The following PRDM16 variants were observed in gnomAD, a reference collection of about 807,000 sequenced individuals.
The protein encoded by PRDM16 is PR/SET domain 16, also known as histone-lysine N-methyltransferase PRDM16.
Under a neutral mutation model 110.6 loss-of-function variants are expected in PRDM16, and 23 were observed. The observed-to-expected ratio is 0.21, with a 90% CI of 0.15 to 0.29. The LOEUF (loss-of-function observed/expected upper bound fraction) is 0.29. Among genes scored for constraint, PRDM16 ranks in the 10% least tolerant of loss-of-function variants. The pLI is 1.00. For synonymous variants in PRDM16, 799 were observed against 781.8 expected (o/e 1.02, Z -0.37); for missense variants, 1,615 against 1,794.3 (o/e 0.90, Z 1.81).
At position 3,208,963 on chromosome 1, in the gene PRDM16, G is replaced by A. The variant is rs1638817550; in HGVS notation, c.387+22489G>A. Among the ~76,000 whole-genome samples, 1 of 152,198 alleles carries A rather than the reference G, an allele frequency of 6.6e-6. No homozygotes were observed. Among genetic ancestry groups the A allele is most frequent in the Non-Finnish European group, 1.5e-5 (1 of 68,046 alleles). On this transcript the variant is annotated intron_variant, in intron 2 of 16. Transcript: ENST00000270722. The surrounding 1 kb of genome is among the most constrained non-coding windows in gnomAD (Gnocchi z 6.1). Reference sequence around the variant, plus strand: ...ACAGATGTCCCCCTCGCCACATCAAGGGAGTGACTTGCTCCGTCTGTCATG... The same window carrying A: ...ACAGATGTCCCCCTCGCCACATCAAAGGAGTGACTTGCTCCGTCTGTCATG...
rs1270010893 is a variant in PRDM16 at position 3,336,438 on chromosome 1, A to G, written c.439-48714A>G. Among the ~76,000 whole-genome samples the G allele has an allele frequency of 7.2e-5, 11 of 151,914 alleles. No individual in the cohort carries two copies. In the South Asian group the frequency reaches 2.1e-3, roughly 29 times the overall value. The stretch of plus-strand genomic sequence containing the variant: ...TGTCTGTGCATGTGTGTTTGCATGC[A>G]CATGTGTGTTGGAGTGAGCCTGTGT... On this transcript the variant is annotated intron_variant, in intron 3 of 16. Transcript: ENST00000270722.
intron 3 of PRDM16, among the ~76,000 whole-genome samples, chr1:3,367,556 G>A (rs1642837991): frequency 6.6e-6 from 1 of 152,184 alleles, no homozygotes; most frequent in Admixed American, 6.5e-5. Context: ...TGTGACAGCT[G>A]CCGGCCCAAC....
At chr1:3,294,989 C>A (rs750284807) in intron 3 of PRDM16, among the ~76,000 whole-genome samples, 2 of 152,224 alleles carry the variant, frequency 1.3e-5, no homozygotes, top group Admixed American at 1.3e-4. Flanking sequence ...TCACTGCAGG[C>A]AGGCTATGGC....
At chr1:3,181,649 T>TAC (rs201101509) in intron 1 of PRDM16, among the ~76,000 whole-genome samples, 1 of 114,618 alleles carries the variant, frequency 8.7e-6, no homozygotes, top group African/African-American at 3.9e-5. Flanking sequence ...CACACGGTCT[T>TAC]ACACACGGTC....
chr1:3,384,570 G>A (rs867948105), intron 3 of PRDM16, among the ~76,000 whole-genome samples: 1 of 152,238 alleles, frequency 6.6e-6, no homozygotes, highest in Non-Finnish European at 1.5e-5. Flanking sequence ...GTTGGTTCGC[G>A]TGTGACTTTG....
At chr1:3,117,453 G>C (rs1642987019) in intron 1 of PRDM16, among the ~76,000 whole-genome samples, 1 of 152,194 alleles carries the variant, frequency 6.6e-6, no homozygotes, top group Non-Finnish European at 1.5e-5. Flanking sequence ...CTGCCCCAGA[G>C]AGCCTGTGAG....
chr1:3,349,896 C>T (rs1032173381), intron 3 of PRDM16, among the ~76,000 whole-genome samples: 5 of 152,306 alleles, frequency 3.3e-5, no homozygotes, highest in South Asian at 4.1e-4. Flanking sequence ...CTTGCTCAGG[C>T]GCCCTCTGCC....
chr1:3,158,695 T>TC (rs1157729130), intron 1 of PRDM16, among the ~76,000 whole-genome samples: 1 of 150,720 alleles, frequency 6.6e-6, no homozygotes. Context: ...CTCTTTCTCT[T>TC]TTTTTCTCTT....
chr1:3,243,697 T>C lies in PRDM16; in HGVS notation c.388-390T>C, dbSNP rs1014943067. Among the ~76,000 whole-genome samples, 14 of 152,234 alleles carry C rather than the reference T, an allele frequency of 9.2e-5. No homozygotes were observed. The highest frequency in any genetic ancestry group is 2.1e-4 in the Non-Finnish European group (14 of 68,032). On this transcript the variant is annotated intron_variant, in intron 2 of 16. Coordinates refer to ENST00000270722, the MANE Select transcript of PRDM16 (RefSeq NM_022114.4). This position sits in a 1 kb window ranked among gnomAD's most constrained non-coding sequence, Gnocchi z 5.5. Reference sequence around the variant, plus strand: ...TTGGAGGAAACACAAATAGAGTCTGTTCACCATCCAGGGTGTCCATGCGCT... The same window carrying C: ...TTGGAGGAAACACAAATAGAGTCTGCTCACCATCCAGGGTGTCCATGCGCT...
rs889780797 is a variant in PRDM16, at chr1:3,159,054, G to A, written c.38-27071G>A. Among the ~76,000 whole-genome samples the A allele has an allele frequency of 1.3e-5, 2 of 152,228 alleles. 1 individual carries two copies. Among genetic ancestry groups the A allele is most frequent in the Non-Finnish European group, 2.9e-5 (2 of 68,040 alleles). Reference sequence around the variant, plus strand: ...CCCAAATGCTGGGATTGCAGGTGTGGCCACCATGCCAGGCCAAGATTTTTC... The same window carrying A: ...CCCAAATGCTGGGATTGCAGGTGTGACCACCATGCCAGGCCAAGATTTTTC... On this transcript the variant is annotated intron_variant, in intron 1 of 16. Coordinates refer to ENST00000270722, the MANE Select transcript of PRDM16 (RefSeq NM_022114.4).
intron 1 of PRDM16, among the ~76,000 whole-genome samples, chr1:3,111,275 C>A (rs951936374): frequency 1.3e-5 from 2 of 151,948 alleles, no homozygotes; most frequent in African/African-American, 4.8e-5. Flanking sequence ...TCGGCCACGG[C>A]CTTAGTGGGG....
At chr1:3,079,717 C>T (rs571869053) in intron 1 of PRDM16, among the ~76,000 whole-genome samples, 1 of 152,332 alleles carries the variant, frequency 6.6e-6, no homozygotes, top group African/African-American at 2.4e-5. Flanking sequence ...TGGCCCCTCA[C>T]ATACCCCTTC....
At chr1:3,099,072 G>T (rs2100614012) in intron 1 of PRDM16, among the ~76,000 whole-genome samples, 1 of 152,334 alleles carries the variant, frequency 6.6e-6, no homozygotes, top group African/African-American at 2.4e-5. Context: ...TGGGGGCCGT[G>T]TGGGAGCGCT....
chr1:3,071,419 A>AC (rs1275607773), intron 1 of PRDM16, among the ~76,000 whole-genome samples: 1 of 151,620 alleles, frequency 6.6e-6, no homozygotes, highest in Non-Finnish European at 1.5e-5. Flanking sequence ...GTGAGGAAAA[A>AC]CCCCATGAGA....
intron 4 of PRDM16, among the ~76,000 whole-genome samples, chr1:3,389,001 G>C (rs773722147): frequency 2.0e-5 from 3 of 152,190 alleles, no homozygotes; most frequent in Non-Finnish European, 4.4e-5. Context: ...CCACAGGCCC[G>C]GTTCTGACTG....
chr1:3,336,784 GA>G (rs1194390399), intron 3 of PRDM16, among the ~76,000 whole-genome samples: 3 of 151,626 alleles, frequency 2.0e-5, no homozygotes, highest in African/African-American at 7.3e-5. Flanking sequence ...ATCTGTGTGT[GA>G]ATGCATGCAT....
chr1:3,340,806 G>T (rs564770933), intron 3 of PRDM16, among the ~76,000 whole-genome samples: 4 of 152,336 alleles, frequency 2.6e-5, no homozygotes, highest in Admixed American at 2.0e-4. Flanking sequence ...TGGTGTCAGG[G>T]TGTGGGGCAG....
intron 3 of PRDM16, among the ~76,000 whole-genome samples, chr1:3,331,793 T>C (rs563917256): frequency 9.2e-5 from 14 of 152,256 alleles, no homozygotes; most frequent in African/African-American, 3.4e-4. Flanking sequence ...AACCCCTTGT[T>C]AGTAGGCTCC....
At chr1:3,241,588 A>G (rs1393612954) in intron 2 of PRDM16, among the ~76,000 whole-genome samples, 1 of 151,944 alleles carries the variant, frequency 6.6e-6, no homozygotes, top group Non-Finnish European at 1.5e-5. Context: ...CTGCGTCCCC[A>G]CCTGATGACA....
Sources: allele counts gnomAD v4.1 joint callset (sites outside exome capture counted in the v4.1 genomes callset), GRCh38; gene constraint gnomAD v4.1.1; non-coding constraint Gnocchi (gnomAD v3.1); transcripts MANE v1.5; gene names NCBI Gene and HGNC (gene_info 2026-07-23, HGNC 2026-07-21).